The following ITK variants were observed in gnomAD, a reference collection of about 807,000 sequenced individuals.
ITK encodes tyrosine-protein kinase ITK/TSK.
ITK carries 45 observed loss-of-function variants against 87.6 expected under a neutral mutation model. The observed-to-expected ratio is 0.51, with a 90% CI of 0.40 to 0.66. The LOEUF is 0.66. ITK is among the 30% of genes least tolerant of loss of function. The pLI is 0.00. For missense variants in ITK, 605 were observed against 766.3 expected (o/e 0.79, Z 2.48); for synonymous variants, 303 against 273.6 (o/e 1.11, Z -1.06).
chr5:157,188,551 T>G (rs543753899), intron 1 of ITK, among the ~76,000 whole-genome samples: 1 of 152,306 alleles, frequency 6.6e-6, no homozygotes, highest in African/African-American at 2.4e-5. Context: ...GCACTCATTC[T>G]CAGGATGCAG....
chr5:157,205,491 T>C (rs1014346923), intron 1 of ITK, among the ~76,000 whole-genome samples: 14 of 152,230 alleles, frequency 9.2e-5, no homozygotes, highest in Non-Finnish European at 1.6e-4. Context: ...AGACATTTGT[T>C]TACATTTTAA....
chr5:157,254,465 C>G lies in ITK; in HGVS notation c.*1787C>G, dbSNP rs1755211468. 4.5e-6 allele frequency: 1 copy of G among 220,980 alleles called. No individual in the cohort carries two copies. The allele number at this position is 220,980 out of a possible 1,614,324, so 13.7% of individuals were successfully genotyped here. On this transcript the variant is annotated 3_prime_UTR_variant, in exon 17 of 17. Coordinates refer to ENST00000422843, the MANE Select transcript of ITK (RefSeq NM_005546.4). ...CATTCCAACTTTCAGCTGTAGTCTTCTTGAACACTTCATGAGGAGGGACAT... is the reference window on the plus strand; with the variant it reads ...CATTCCAACTTTCAGCTGTAGTCTTGTTGAACACTTCATGAGGAGGGACAT...
Position 157,254,773 on chromosome 5 carries a change from G to A in ITK, c.*2095G>A. ...AAAACATTGGAATTGACTGATCTCT[G>A]TGGTTTGGTTTAGAAAATTCCCCTG... On this transcript the variant is annotated 3_prime_UTR_variant, in exon 17 of 17. Coordinates refer to ENST00000422843, the MANE Select transcript of ITK (RefSeq NM_005546.4). 1.4e-5 allele frequency: 3 copies of A among 218,730 alleles called. No homozygotes were observed. The highest frequency in any genetic ancestry group is 2.8e-5 in the Non-Finnish European group (3 of 108,980). 13.5% of individuals were successfully genotyped at this position (218,730 alleles called of 1,614,324 possible).
intron 10 of ITK, chr5:157,240,719 A>C (rs1479937019): frequency 1.1e-5 from 2 of 182,538 alleles, no homozygotes; most frequent in African/African-American, 4.8e-5. Context: ...TGGCAGGAGC[A>C]GGAGCGAGGA....
chr5:157,215,447 C>T (rs574453787), intron 4 of ITK, among the ~76,000 whole-genome samples: 52 of 152,282 alleles, frequency 3.4e-4, no homozygotes, highest in Middle Eastern at 3.4e-3. Context: ...AGCTCTTAGA[C>T]ATAATCGATC....
chr5:157,224,684 G>C (rs1329680037), intron 6 of ITK, among the ~76,000 whole-genome samples: 1 of 152,048 alleles, frequency 6.6e-6, no homozygotes, highest in Admixed American at 6.6e-5. Context: ...GGGAGGCTGG[G>C]GCAGGAGAAT....
chr5:157,241,322 G>T (rs1754892211), intron 10 of ITK: 1 of 171,206 alleles, frequency 5.8e-6, no homozygotes, highest in African/African-American at 2.4e-5. Context: ...ATGAAAACTG[G>T]CAAAAGCTCG....
intron 13 of ITK, 123 bp downstream of exon 13, chr5:157,244,601 C>T: frequency 1.4e-6 from 1 of 729,404 alleles, no homozygotes; most frequent in Non-Finnish European, 2.5e-6. Flanking sequence ...CTCAACTTCT[C>T]CCTTCCTTCA....
intron 1 of ITK, among the ~76,000 whole-genome samples, chr5:157,191,730 A>T (rs1293539180): frequency 6.6e-6 from 1 of 152,230 alleles, no homozygotes; most frequent in Non-Finnish European, 1.5e-5. Context: ...TTGCAAGAAC[A>T]TGCTTATCTA....
At chr5:157,213,765 A>C (rs1267720589) in intron 3 of ITK, 1 of 350,550 alleles carries the variant, frequency 2.9e-6, no homozygotes, top group Non-Finnish European at 5.6e-6. Context: ...AAAGCCACAA[A>C]CCTAGAAGGG....
At chr5:157,188,523 A>G (rs1480424964) in intron 1 of ITK, among the ~76,000 whole-genome samples, 1 of 152,180 alleles carries the variant, frequency 6.6e-6, no homozygotes, top group East Asian at 1.9e-4. Context: ...GAGACAAGTG[A>G]GACACACACA....
At chr5:157,192,622 T>TA (rs1263220893) in intron 1 of ITK, among the ~76,000 whole-genome samples, 3 of 152,228 alleles carry the variant, frequency 2.0e-5, no homozygotes, top group Non-Finnish European at 4.4e-5. Context: ...TTTCAAAATT[T>TA]AAAAAACATT....
intron 1 of ITK, among the ~76,000 whole-genome samples, chr5:157,202,327 C>G (rs1753993923): frequency 6.6e-6 from 1 of 152,250 alleles, no homozygotes; most frequent in African/African-American, 2.4e-5. Context: ...AATTCTTGTG[C>G]CTCAGCCACC....
At chr5:157,194,442 G>A (rs979743603) in intron 1 of ITK, among the ~76,000 whole-genome samples, 3 of 152,148 alleles carry the variant, frequency 2.0e-5, no homozygotes, top group African/African-American at 7.2e-5. Context: ...CACTTATTGA[G>A]CCTTTTCTGG....
intron 5 of ITK, among the ~76,000 whole-genome samples, chr5:157,219,413 A>G (rs1290685006): frequency 6.6e-6 from 1 of 152,134 alleles, no homozygotes; most frequent in Non-Finnish European, 1.5e-5. Flanking sequence ...GTGCCTGACC[A>G]ATACCCACAT....
At chr5:157,236,912 A>G in intron 8 of ITK, among the ~76,000 whole-genome samples, 1 of 152,170 alleles carries the variant, frequency 6.6e-6, no homozygotes, top group South Asian at 2.1e-4. Flanking sequence ...CTCATTCTGG[A>G]AAGGGCCTAA....
At chr5:157,214,154 T>C in intron 3 of ITK, 37 bp from the exon 4 acceptor site, 1 of 1,596,478 alleles carries the variant, frequency 6.3e-7, no homozygotes, top group Non-Finnish European at 8.6e-7. Context: ...TAGACTGACC[T>C]GGAAATAACT....
intron 1 of ITK, among the ~76,000 whole-genome samples, chr5:157,186,004 T>C (rs1753635562): frequency 6.6e-6 from 1 of 152,186 alleles, no homozygotes; most frequent in Admixed American, 6.5e-5. Context: ...CTAACCATTA[T>C]AACCACTCTG....
At chr5:157,195,615 C>T (rs982201034) in intron 1 of ITK, 1 of 152,206 alleles carries the variant, frequency 6.6e-6, no homozygotes, top group Non-Finnish European at 1.5e-5. Flanking sequence ...TCACAGCAAC[C>T]ACGATAGTTA....
Sources: allele counts gnomAD v4.1 joint callset (sites outside exome capture counted in the v4.1 genomes callset), GRCh38; gene constraint gnomAD v4.1.1; transcripts MANE v1.5; gene names NCBI Gene and HGNC (gene_info 2026-07-23, HGNC 2026-07-21).